Variants in HDAC4 observed in about 807,000 individuals in gnomAD.
HDAC4 encodes histone deacetylase A.
Under a neutral mutation model 135.1 loss-of-function variants are expected in HDAC4, and 16 were observed. The observed-to-expected ratio is 0.12, with a 90% CI of 0.08 to 0.18. HDAC4 has a LOEUF of 0.18. HDAC4 is among the 10% of genes least tolerant of loss of function. The pLI is 1.00. For synonymous variants in HDAC4, 685 were observed against 653.4 expected, an observed-to-expected ratio of 1.05 and a Z score of -0.74; for missense variants, 1,143 against 1,511.8, an observed-to-expected ratio of 0.76 and a Z score of 4.05.
At chr2:239,292,337 C>T (rs1396678105) in intron 2 of HDAC4, among the ~76,000 whole-genome samples, 1 of 152,212 alleles carries the variant, frequency 6.6e-6, no homozygotes, top group Admixed American at 6.5e-5. Context: ...TCTCTGCGTT[C>T]GAGGATAAAC....
intron 2 of HDAC4, among the ~76,000 whole-genome samples, chr2:239,324,068 G>A (rs944289723): frequency 3.3e-5 from 5 of 152,134 alleles, no homozygotes; most frequent in Non-Finnish European, 4.4e-5. Context: ...TTTAAAATGC[G>A]AAGGATTAGC....
chr2:239,288,302 T>C (rs2051253192), intron 2 of HDAC4, among the ~76,000 whole-genome samples: 1 of 152,178 alleles, frequency 6.6e-6, no homozygotes. Context: ...ATCCATGAAC[T>C]TAACTTGAAA....
At chr2:239,388,555 C>T (rs1452505957) in intron 1 of HDAC4, among the ~76,000 whole-genome samples, 1 of 152,218 alleles carries the variant, frequency 6.6e-6, no homozygotes, top group Non-Finnish European at 1.5e-5. Flanking sequence ...ACCTGGGTGC[C>T]TGGCCCCAGA....
At chr2:239,175,505 G>GT (rs754694956) in intron 5 of HDAC4, among the ~76,000 whole-genome samples, 118 of 152,324 alleles carry the variant, frequency 7.7e-4, no homozygotes, top group Non-Finnish European at 1.2e-3. Flanking sequence ...AGCAAATACA[G>GT]TGTTCTCCTG....
intron 2 of HDAC4, among the ~76,000 whole-genome samples, chr2:239,324,819 G>A (rs2053423034): frequency 6.6e-6 from 1 of 152,224 alleles, no homozygotes; most frequent in Admixed American, 6.5e-5. Context: ...AGGGACGGGA[G>A]CCAAAGAACA....
chr2:239,285,476 G>A lies in HDAC4; in HGVS notation c.23-48812C>T, dbSNP rs369756537. 3.7e-4 allele frequency among the ~76,000 whole-genome samples: 57 copies of A among 152,346 alleles called. No homozygotes were observed. The South Asian group carries it at 0.011, about 28-fold the overall frequency. Reference sequence around the variant, plus strand: ...TGCGGGGAGGCAGAGGAGCAGTGCCGGCTGCCAGCAAGTGTCTCCGCCGCG... The same window carrying A: ...TGCGGGGAGGCAGAGGAGCAGTGCCAGCTGCCAGCAAGTGTCTCCGCCGCG... On this transcript the variant is annotated intron_variant, in intron 2 of 26. Coordinates refer to ENST00000543185, the MANE Select transcript of HDAC4 (RefSeq NM_001378414.1). The surrounding 1 kb of genome is among the most constrained non-coding windows in gnomAD (Gnocchi z 4.5).
At position 239,167,205 on chromosome 2, in the gene HDAC4, C is replaced by T. The variant is rs1319665769; in HGVS notation, c.491-3282G>A. On this transcript the variant is annotated intron_variant, in intron 5 of 26. Coordinates refer to ENST00000543185, the MANE Select transcript of HDAC4 (RefSeq NM_001378414.1). This position sits in a 1 kb window ranked among gnomAD's most constrained non-coding sequence, Gnocchi z 4.1. ...AGTCAGCCTTACCTGCTCAAAACAC[C>T]AGTTCCCAGGGACAGCTGTTACTGT... Among the ~76,000 whole-genome samples the T allele has an allele frequency of 6.6e-6, 1 of 152,202 alleles. No homozygotes were observed. The highest frequency in any genetic ancestry group is 2.4e-5 in the African/African-American group (1 of 41,450).
chr2:239,104,128 T>C (rs896362737), intron 15 of HDAC4, among the ~76,000 whole-genome samples: 1 of 152,202 alleles, frequency 6.6e-6, no homozygotes, highest in African/African-American at 2.4e-5. Context: ...TTTGGGGACA[T>C]AAGTCACATG....
intron 1 of HDAC4, among the ~76,000 whole-genome samples, chr2:239,390,934 CG>C (rs989526436): frequency 1.3e-4 from 20 of 152,136 alleles, no homozygotes; most frequent in Non-Finnish European, 2.4e-4. Flanking sequence ...GGAGGGAAAG[CG>C]GGGCAGCCTG....
At chr2:239,058,486 T>C (rs952457679) in intron 24 of HDAC4, among the ~76,000 whole-genome samples, 21 of 152,208 alleles carry the variant, frequency 1.4e-4, no homozygotes. Flanking sequence ...TTGCTGTTTA[T>C]AGGAGACACA....
chr2:239,156,502 A>C, intron 7 of HDAC4, 150 bp downstream of exon 7: 1 of 952,892 alleles, frequency 1.0e-6, no homozygotes, highest in Non-Finnish European at 1.6e-6. Flanking sequence ...TATCTTTTAA[A>C]AACGATGCTC....
chr2:239,139,813 A>G lies in HDAC4; in HGVS notation c.866-17T>C, dbSNP rs1432408084. 1 of 1,604,990 alleles carries G rather than the reference A, an allele frequency of 6.2e-7. No individual in the cohort carries two copies. Among genetic ancestry groups the G allele is most frequent in the African/African-American group, 1.4e-5 (1 of 72,098 alleles). ...ACGCGGAGTCTGCGGAGGCAGAAATACCCTGGTGAGTGTTACTCCATGCGG... is the reference window on the plus strand; with the variant it reads ...ACGCGGAGTCTGCGGAGGCAGAAATGCCCTGGTGAGTGTTACTCCATGCGG... On this transcript the variant is annotated splice_polypyrimidine_tract_variant and intron_variant, in intron 8 of 26. Coordinates refer to ENST00000543185, the MANE Select transcript of HDAC4 (RefSeq NM_001378414.1). The surrounding 1 kb of genome is among the most constrained non-coding windows in gnomAD (Gnocchi z 5.3).
In HDAC4 at chr2:239,240,675, C is replaced by A. The variant is rs959355190; in HGVS notation, c.23-4011G>T. Among the ~76,000 whole-genome samples the A allele has an allele frequency of 2.6e-5, 4 of 152,198 alleles. No homozygotes were observed. Among genetic ancestry groups the A allele is most frequent in the African/African-American group, 7.2e-5 (3 of 41,446 alleles). Reference sequence around the variant, plus strand: ...ATTTAATCAGCGCTGGGGCTGCAGACCAGATGCACACTGAGAGGGAGGCCG... The same window carrying A: ...ATTTAATCAGCGCTGGGGCTGCAGAACAGATGCACACTGAGAGGGAGGCCG... On this transcript the variant is annotated intron_variant, in intron 2 of 26. Coordinates refer to ENST00000543185, the MANE Select transcript of HDAC4 (RefSeq NM_001378414.1). This position sits in a 1 kb window ranked among gnomAD's most constrained non-coding sequence, Gnocchi z 4.5.
intron 22 of HDAC4, among the ~76,000 whole-genome samples, chr2:239,072,551 G>A (rs2034308673): frequency 6.6e-6 from 1 of 152,190 alleles, no homozygotes; most frequent in East Asian, 1.9e-4. Flanking sequence ...TGCATCACCC[G>A]ATGGGCGCCT....
rs368148003 is a variant in HDAC4 at position 239,182,221 on chromosome 2, AAAAC to A, written c.340-5662_340-5659del. 2.9e-3 allele frequency among the ~76,000 whole-genome samples: 436 copies of A among 152,282 alleles called. 2 individuals are homozygous for A. The highest frequency in any genetic ancestry group is 1.0e-2 in the African/African-American group (415 of 41,560). ...GGCTTCGGGGTGCTTCTCAGCTCAG[AAAAC>A]AAACACAGTCCTTTGTTGAACTGAT... On this transcript the variant is annotated intron_variant, in intron 4 of 26. Coordinates refer to ENST00000543185, the MANE Select transcript of HDAC4 (RefSeq NM_001378414.1).
At chr2:239,220,296 G>C (rs1478222199) in intron 3 of HDAC4, among the ~76,000 whole-genome samples, 1 of 152,200 alleles carries the variant, frequency 6.6e-6, no homozygotes, top group Non-Finnish European at 1.5e-5. Context: ...TGTAGGAATT[G>C]CCTAAAATTG....
chr2:239,245,997 T>A lies in HDAC4; in HGVS notation c.23-9333A>T, dbSNP rs951423568. Among the ~76,000 whole-genome samples, 6 of 152,148 alleles carry A rather than the reference T, an allele frequency of 3.9e-5. No homozygotes were observed. The highest frequency in any genetic ancestry group is 2.9e-5 in the Non-Finnish European group (2 of 68,016). On this transcript the variant is annotated intron_variant, in intron 2 of 26. Transcript: ENST00000543185. The surrounding 1 kb of genome is among the most constrained non-coding windows in gnomAD (Gnocchi z 4.4). ...GCCCAGCAGAACCGGCAACCCACAC[T>A]GGCTGCCTGCGTCCAGTCCCGCCAT...
intron 2 of HDAC4, among the ~76,000 whole-genome samples, chr2:239,263,888 T>G (rs763730750): frequency 4.0e-4 from 61 of 152,160 alleles, no homozygotes; most frequent in Middle Eastern, 3.2e-3. Context: ...ACTCTGCCCC[T>G]TCTCTGCAGA....
chr2:239,196,799 G>A (rs1234152601), intron 3 of HDAC4, among the ~76,000 whole-genome samples: 1 of 152,212 alleles, frequency 6.6e-6, no homozygotes, highest in Non-Finnish European at 1.5e-5. Context: ...TGACCTCGGG[G>A]AATCGAGGCA....
Sources: allele counts gnomAD v4.1 joint callset (sites outside exome capture counted in the v4.1 genomes callset), GRCh38; gene constraint gnomAD v4.1.1; non-coding constraint Gnocchi (gnomAD v3.1); transcripts MANE v1.5; gene names NCBI Gene and HGNC (gene_info 2026-07-23, HGNC 2026-07-21).